Variants in FCHO1 observed in about 807,000 individuals in gnomAD.
FCHO1 encodes the protein FCH and mu domain containing endocytic adaptor 1.
Under a neutral mutation model 114.4 loss-of-function variants are expected in FCHO1, and 45 were observed. The observed-to-expected ratio is 0.39, with a 90% CI of 0.31 to 0.50. FCHO1 has a LOEUF of 0.50. Among genes scored for constraint, FCHO1 ranks in the 20% least tolerant of loss-of-function variants. The pLI, the probability that FCHO1 is intolerant of heterozygous loss-of-function variation, is 0.77. For synonymous variants in FCHO1, 480 were observed against 488.9 expected, an observed-to-expected ratio of 0.98 and a Z score of 0.24; for missense variants, 1,042 against 1,209.6, an observed-to-expected ratio of 0.86 and a Z score of 2.06.
upstream of FCHO1, among the ~76,000 whole-genome samples, chr19:17,751,041 C>T (rs553936761): frequency 3.4e-4 from 52 of 152,144 alleles, no homozygotes; most frequent in Middle Eastern, 3.4e-3. The surrounding 1 kb of genome is among the most constrained non-coding windows in gnomAD (Gnocchi z 4.4). Context: ...GGGGTTTCAC[C>T]GTGTTGGCCA....
chr19:17,748,099 T>G (rs1027476775), upstream of FCHO1, among the ~76,000 whole-genome samples: 1 of 151,888 alleles, frequency 6.6e-6, no homozygotes, highest in Non-Finnish European at 1.5e-5. Context: ...CTCCCCAAAT[T>G]CTTTTATTCT....
chr19:17,754,201 A>G (rs1037454494), intron 1 of FCHO1, 116 bp from the exon 2 acceptor site: 2 of 152,244 alleles, frequency 1.3e-5, no homozygotes, highest in Middle Eastern at 3.2e-3. Context: ...CCTCTAGAAC[A>G]TGCCAAGGAC....
chr19:17,770,895 T>C lies in FCHO1; in HGVS notation c.593T>C (p.Leu198Pro). 6.2e-7 allele frequency: 1 copy of C among 1,613,556 alleles called. No homozygotes were observed. The highest frequency in any genetic ancestry group is 8.5e-7 in the Non-Finnish European group (1 of 1,179,716). ...DFEQKMLDSA[L>P]RFQAMEETHL... ...GAGCAGAAGATGCTGGACTCAGCCC[T>C]GGTAAGAACCAGGCATCTGTACCTT... is the stretch of plus-strand genomic sequence containing the variant. The change falls in exon 9 of 29, where the codon CTG becomes CCG. Residue 198 changes from leucine (L) to proline (P), a missense_variant and splice_region_variant. Around this residue, in one of 3 missense-constraint regions of FCHO1, gnomAD observed 450 missense variants for 564.1 expected, o/e 0.80. Transcript: ENST00000596536.
chr19:17,766,600 C>G (rs1158707994), intron 6 of FCHO1, 69 bp from the exon 7 acceptor site: 2 of 1,595,018 alleles, frequency 1.3e-6, no homozygotes, highest in African/African-American at 2.7e-5. Context: ...CATACCTGAG[C>G]CAGTGCCAGC....
chr19:17,776,627 T>C lies in FCHO1; in HGVS notation c.1208-8T>C. Reference sequence around the variant, plus strand: ...ACAAGAAGGCTGAAGGAGGTGCATCTCTTGTAGGGGACGCTGCTGGGAAAC... The same window carrying C: ...ACAAGAAGGCTGAAGGAGGTGCATCCCTTGTAGGGGACGCTGCTGGGAAAC... On this transcript the variant is annotated splice_polypyrimidine_tract_variant and splice_region_variant and intron_variant, in intron 17 of 28. Transcript: ENST00000596536. This position sits in a 1 kb window ranked among gnomAD's most constrained non-coding sequence, Gnocchi z 4.4. The C allele has an allele frequency of 6.2e-7, 1 of 1,613,862 alleles. No homozygotes were observed.
In FCHO1 at chr19:17,770,861, G is replaced by A. The variant is rs374155212; in HGVS notation, c.559G>A (p.Ala187Thr). Reference protein sequence around the residue: ...RSVEKYNSARADFEQKMLDSA... With the variant: ...RSVEKYNSARTDFEQKMLDSA... ...AGTGGAAAAATACAACTCAGCCCGA[G>A]CTGACTTTGAGCAGAAGATGCTGGA... Residue 187 changes from alanine (A) to threonine (T), a missense_variant, in exon 9 of 29, where the codon GCT becomes ACT. Physicochemically the swap from Ala to Thr is moderately conservative, Grantham distance 58 (BLOSUM62 0). Around this residue, in one of 3 missense-constraint regions of FCHO1, gnomAD observed 450 missense variants for 564.1 expected, o/e 0.80. Coordinates refer to ENST00000596536, the MANE Select transcript of FCHO1 (RefSeq NM_015122.3). The A allele has an allele frequency of 2.4e-5, 38 of 1,614,130 alleles. No individual in the cohort carries two copies. Among genetic ancestry groups the A allele is most frequent in the Admixed American group, 5.0e-5 (3 of 60,028 alleles).
In FCHO1 at chr19:17,775,938, G is replaced by A; in HGVS notation, c.1004-45G>A. ...AGGCTGGATTGGAGAGCTGACTGGG[G>A]GAAAGCTTGTGTTGGGATTGGCTTG... On this transcript the variant is annotated intron_variant, in intron 15 of 28. Transcript: ENST00000596536. The surrounding 1 kb of genome is among the most constrained non-coding windows in gnomAD (Gnocchi z 5.1). 1.3e-6 allele frequency: 2 copies of A among 1,590,218 alleles called. No homozygotes were observed. The highest frequency in any genetic ancestry group is 1.3e-5 in the African/African-American group (1 of 74,828).
chr19:17,774,896 TC>T (rs1291516924), intron 13 of FCHO1, 159 bp from the exon 14 acceptor site: 7 of 720,852 alleles, frequency 9.7e-6, no homozygotes, highest in Non-Finnish European at 1.7e-5. Flanking sequence ...TTCAACCCCC[TC>T]CCCAAGCAAG....
At chr19:17,785,251 G>A (rs895120704) in intron 26 of FCHO1, among the ~76,000 whole-genome samples, 2 of 152,040 alleles carry the variant, frequency 1.3e-5, no homozygotes, top group Admixed American at 6.6e-5. Context: ...ATGAAGTCTC[G>A]CTCTGTCGTG....
At chr19:17,756,508 A>G (rs555736548) in intron 4 of FCHO1, among the ~76,000 whole-genome samples, 2 of 152,302 alleles carry the variant, frequency 1.3e-5, no homozygotes, top group East Asian at 3.9e-4. Context: ...ACCTCACCCA[A>G]AGATATCCTG....
chr19:17,776,552 C>T lies in FCHO1; in HGVS notation c.1208-83C>T, dbSNP rs184289911. The T allele has an allele frequency of 3.2e-5, 49 of 1,514,682 alleles. No individual in the cohort carries two copies. Among genetic ancestry groups the T allele is most frequent in the African/African-American group, 2.7e-4 (20 of 72,948 alleles). 93.8% of individuals were successfully genotyped at this position (1,514,682 alleles called of 1,614,324 possible). Reference sequence around the variant, plus strand: ...CCTTGGGCAACTGGCTGGACACCCCCGAGCCTCGGTCCCTTGGTCTGTGGA... The same window carrying T: ...CCTTGGGCAACTGGCTGGACACCCCTGAGCCTCGGTCCCTTGGTCTGTGGA... On this transcript the variant is annotated intron_variant, in intron 17 of 28. Coordinates refer to ENST00000596536, the MANE Select transcript of FCHO1 (RefSeq NM_015122.3). This position sits in a 1 kb window ranked among gnomAD's most constrained non-coding sequence, Gnocchi z 4.4.
At position 17,771,367 on chromosome 19, in the gene FCHO1, A is replaced by C. The variant is rs571859130; in HGVS notation, c.594+471A>C. On this transcript the variant is annotated intron_variant, in intron 9 of 28. Coordinates refer to ENST00000596536, the MANE Select transcript of FCHO1 (RefSeq NM_015122.3). ...AACCGACAGGTGTATATAAAAAAAA[A>C]AAAGAAAAGAAAAGAAAAAGGCTGG... 6.4e-3 allele frequency among the ~76,000 whole-genome samples: 935 copies of C among 146,182 alleles called. 10 individuals are homozygous for C. Among genetic ancestry groups the C allele is most frequent in the Non-Finnish European group, 9.1e-3 (603 of 66,244 alleles).
intron 23 of FCHO1, among the ~76,000 whole-genome samples, chr19:17,782,400 C>T: frequency 6.6e-6 from 1 of 152,054 alleles, no homozygotes; most frequent in Non-Finnish European, 1.5e-5. Context: ...GACAGGGTTT[C>T]ACCATGTTGG....
intron 22 of FCHO1, 70 bp downstream of exon 22, chr19:17,781,609 T>C: frequency 6.3e-7 from 1 of 1,577,518 alleles, no homozygotes; most frequent in South Asian, 1.1e-5. Context: ...GTGGGTGGCT[T>C]CTCTGTTGGC....
Position 17,784,218 on chromosome 19 carries a change from G to C in FCHO1, c.2209G>C (p.Val737Leu). The change falls in exon 25 of 29, where the codon GTG (valine) becomes CTG (leucine). Residue 737 changes from valine (V) to leucine (L), a missense_variant. Coordinates refer to ENST00000596536, the MANE Select transcript of FCHO1 (RefSeq NM_015122.3). The surrounding 1 kb of genome is among the most constrained non-coding windows in gnomAD (Gnocchi z 5.3). ...CCCCACTGCCTCCTACTACAACGTG[G>C]TGCTGCTGCGATACCAGGTGCGCCA... ...QNPTASYYNVVLLRYQFSRPG... is the reference protein window; with the variant it reads ...QNPTASYYNVLLLRYQFSRPG... 6.2e-7 allele frequency: 1 copy of C among 1,610,184 alleles called. No individual in the cohort carries two copies. Among genetic ancestry groups the C allele is most frequent in the Non-Finnish European group, 8.5e-7 (1 of 1,178,312 alleles).
At chr19:17,770,937 C>G (rs62121735) in intron 9 of FCHO1, 41 bp downstream of exon 9, 18,750 of 1,551,788 alleles carry the variant, frequency 0.012, 164 homozygotes, top group South Asian at 0.019. Flanking sequence ...CCACACATGC[C>G]TTTGCCCTGG....
At chr19:17,780,045 GT>G (rs1450401602) in intron 20 of FCHO1, among the ~76,000 whole-genome samples, 2 of 151,958 alleles carry the variant, frequency 1.3e-5, no homozygotes, top group African/African-American at 4.8e-5. Context: ...ACCACCCGAG[GT>G]CCCCAGTAGT....
chr19:17,767,563 T>TCAAAAAA (rs759888511), intron 7 of FCHO1, among the ~76,000 whole-genome samples: 1 of 114,290 alleles, frequency 8.7e-6, no homozygotes, highest in African/African-American at 3.5e-5. Context: ...AAAGACTGTC[T>TCAAAAAA]AAAAAAAAAA....
At chr19:17,763,620 T>G (rs955182446) in intron 5 of FCHO1, among the ~76,000 whole-genome samples, 16 of 146,230 alleles carry the variant, frequency 1.1e-4, no homozygotes, top group Admixed American at 1.4e-4. Context: ...CAGGGTGATC[T>G]GATCATAGCT....
Sources: allele counts gnomAD v4.1 joint callset (sites outside exome capture counted in the v4.1 genomes callset), GRCh38; gene constraint gnomAD v4.1.1; regional missense constraint gnomAD v4.1.1; non-coding constraint Gnocchi (gnomAD v3.1); transcripts MANE v1.5; gene names NCBI Gene and HGNC (gene_info 2026-07-23, HGNC 2026-07-21).